TRAPPC9: variants seen among roughly 807,000 people sequenced by gnomAD.
TRAPPC9 encodes the protein trafficking protein particle complex subunit 9, also known as IKK2 binding protein.
A neutral mutation model predicts 124.0 loss-of-function variants in TRAPPC9; 83 were observed. The ratio of observed to expected loss-of-function variants is 0.67; its 90% confidence interval spans 0.56 to 0.80. The LOEUF (loss-of-function observed/expected upper bound fraction) is 0.80, where lower values mean the gene tolerates loss of function less well. Among genes scored for constraint, TRAPPC9 ranks in the 30% least tolerant of loss-of-function variants. TRAPPC9 has a pLI of 0.00. For synonymous variants in TRAPPC9, 638 were observed against 617.5 expected (o/e 1.03, Z -0.49); for missense variants, 1,302 against 1,508.3 (o/e 0.86, Z 2.27).
intron 17 of TRAPPC9, among the ~76,000 whole-genome samples, chr8:140,044,835 A>T (rs1841486928): frequency 6.6e-6 from 1 of 152,200 alleles, no homozygotes; most frequent in Non-Finnish European, 1.5e-5. Flanking sequence ...CTAAATACGC[A>T]TTTCTAATTA....
At chr8:139,862,918 G>T (rs1422839853) in intron 21 of TRAPPC9, among the ~76,000 whole-genome samples, 1 of 152,350 alleles carries the variant, frequency 6.6e-6, no homozygotes, top group East Asian at 1.9e-4. Flanking sequence ...TTTCGATCCG[G>T]TGGGTGGCCC....
At chr8:139,736,704 CT>C (rs2130003401) in intron 21 of TRAPPC9, among the ~76,000 whole-genome samples, 1 of 152,366 alleles carries the variant, frequency 6.6e-6, no homozygotes, top group South Asian at 2.1e-4. Flanking sequence ...ATGCTCGCAG[CT>C]GCCTTGCAAT....
At chr8:140,033,683 T>TTTG (rs1840683363) in intron 17 of TRAPPC9, among the ~76,000 whole-genome samples, 4 of 118,002 alleles carry the variant, frequency 3.4e-5, no homozygotes, top group South Asian at 3.0e-4. Context: ...TTTTTTTTTT[T>TTTG]TTTTTTTTTT....
chr8:140,233,752 GAAAAAAA>G (rs549304468), intron 16 of TRAPPC9, among the ~76,000 whole-genome samples: 1 of 111,890 alleles, frequency 8.9e-6, no homozygotes, highest in African/African-American at 4.0e-5. Context: ...CACATTAAAA[GAAAAAAA>G]AAAAAAAAAA....
intron 17 of TRAPPC9, among the ~76,000 whole-genome samples, chr8:140,111,752 C>T (rs148337737): frequency 8.5e-5 from 13 of 152,344 alleles, no homozygotes; most frequent in Non-Finnish European, 1.3e-4. Flanking sequence ...ATTTGCGACT[C>T]GCTGTTAAGA....
At chr8:140,070,993 AGC>A (rs1843132707) in intron 17 of TRAPPC9, among the ~76,000 whole-genome samples, 1 of 152,240 alleles carries the variant, frequency 6.6e-6, no homozygotes, top group African/African-American at 2.4e-5. Context: ...AAGCAACGGG[AGC>A]AGGACCACCA....
chr8:140,047,957 G>A (rs1370169092), intron 17 of TRAPPC9, among the ~76,000 whole-genome samples: 2 of 152,202 alleles, frequency 1.3e-5, no homozygotes, highest in African/African-American at 4.8e-5. Flanking sequence ...TCCAGCCATA[G>A]CCACAGGCCC....
Position 139,804,047 on chromosome 8 carries a change from C to T in TRAPPC9, c.3056-71845G>A, listed in dbSNP as rs78722713. On this transcript the variant is annotated intron_variant, in intron 21 of 22. Transcript: ENST00000438773. ...ACCACTATCCATCGCCGCCACCACA[C>T]GCCACCTCCATCAAGCACCGCCGCC... Among the ~76,000 whole-genome samples the T allele has an allele frequency of 3.0e-4, 46 of 151,660 alleles. 1 individual carries two copies. The East Asian group carries it at 6.2e-3, about 21-fold the overall frequency.
chr8:140,135,881 C>T (rs554729970), intron 17 of TRAPPC9, among the ~76,000 whole-genome samples: 166 of 152,292 alleles, frequency 1.1e-3, no homozygotes, highest in African/African-American at 3.7e-3. Flanking sequence ...GGGATTGCTG[C>T]TATAAGGTGG....
In TRAPPC9 at chr8:140,370,833, G is replaced by C. The variant is rs935477647; in HGVS notation, c.1351+131C>G. The C allele has an allele frequency of 6.0e-6, 6 of 992,030 alleles. No individual in the cohort carries two copies. The African/African-American group carries it at 9.6e-5, about 16-fold the overall frequency. 61.5% of individuals were successfully genotyped at this position (992,030 alleles called of 1,614,324 possible). ...GGATTACAGCAGGCACCCAACTCCA[G>C]GGCAGGGATCTAGTCATTCTGGAGC... On this transcript the variant is annotated intron_variant, in intron 8 of 22. Transcript: ENST00000438773.
At chr8:139,770,537 C>T (rs1253794172) in intron 21 of TRAPPC9, among the ~76,000 whole-genome samples, 1 of 152,206 alleles carries the variant, frequency 6.6e-6, no homozygotes, top group Admixed American at 6.5e-5. Flanking sequence ...CCATCATTCT[C>T]CAGCTCTGTG....
At chr8:139,995,421 C>T (rs1022856090) in intron 18 of TRAPPC9, among the ~76,000 whole-genome samples, 2 of 152,124 alleles carry the variant, frequency 1.3e-5, no homozygotes, top group African/African-American at 2.4e-5. Context: ...GCAGTATTGG[C>T]GGGACAGGCT....
chr8:140,338,641 G>A (rs1195042366), intron 9 of TRAPPC9, among the ~76,000 whole-genome samples: 1 of 152,254 alleles, frequency 6.6e-6, no homozygotes, highest in African/African-American at 2.4e-5. Flanking sequence ...TCCTTATAAC[G>A]AGAGGGGATT....
In TRAPPC9 at chr8:139,907,661, G is replaced by T. The variant is rs571633621; in HGVS notation, c.2964+2486C>A. The stretch of plus-strand genomic sequence containing the variant: ...GACAATCAAGCTCTCATAAACTTCC[G>T]ATCAGTAAATGTATGGGGCAGATGT... On this transcript the variant is annotated intron_variant, in intron 20 of 22. Transcript: ENST00000438773. The surrounding 1 kb of genome is among the most constrained non-coding windows in gnomAD (Gnocchi z 4.7). Among the ~76,000 whole-genome samples, 46 of 152,242 alleles carry T rather than the reference G, an allele frequency of 3.0e-4. No individual in the cohort carries two copies. The highest frequency in any genetic ancestry group is 1.1e-3 in the African/African-American group (45 of 41,530).
At chr8:140,220,148 G>C (rs1278173156) in intron 17 of TRAPPC9, among the ~76,000 whole-genome samples, 2 of 152,210 alleles carry the variant, frequency 1.3e-5, no homozygotes, top group Non-Finnish European at 2.9e-5. Context: ...AAAACTGATG[G>C]ACAAACAAGA....
At chr8:139,745,486 G>A (rs1055927266) in intron 21 of TRAPPC9, among the ~76,000 whole-genome samples, 5 of 152,250 alleles carry the variant, frequency 3.3e-5, no homozygotes, top group South Asian at 4.1e-4. Flanking sequence ...CACTTGCAGC[G>A]GCTCCAGCTC....
intron 17 of TRAPPC9, among the ~76,000 whole-genome samples, chr8:140,057,249 A>G (rs1842340401): frequency 6.6e-6 from 1 of 152,212 alleles, no homozygotes; most frequent in Non-Finnish European, 1.5e-5. Flanking sequence ...GAATGGAAAA[A>G]GGTACAGCTG....
chr8:140,279,244 G>A (rs922587410), intron 14 of TRAPPC9, among the ~76,000 whole-genome samples: 3 of 152,226 alleles, frequency 2.0e-5, no homozygotes, highest in African/African-American at 4.8e-5. Flanking sequence ...CTTCCAGACT[G>A]AGAGCTCATA....
intron 11 of TRAPPC9, among the ~76,000 whole-genome samples, chr8:140,291,815 T>A (rs1350817393): frequency 6.6e-6 from 1 of 152,192 alleles, no homozygotes; most frequent in African/African-American, 2.4e-5. Flanking sequence ...GGGGACCACA[T>A]GGCAAGGGCC....
Sources: allele counts gnomAD v4.1 joint callset (sites outside exome capture counted in the v4.1 genomes callset), GRCh38; gene constraint gnomAD v4.1.1; non-coding constraint Gnocchi (gnomAD v3.1); transcripts MANE v1.5; gene names NCBI Gene and HGNC (gene_info 2026-07-23, HGNC 2026-07-21).